MDGA2: variants seen among roughly 807,000 people sequenced by gnomAD.
MDGA2 encodes the protein MAM domain-containing glycosylphosphatidylinositol anchor protein 2.
A neutral mutation model predicts 117.8 loss-of-function variants in MDGA2; 40 were observed. That is an observed-to-expected ratio of 0.34 (90% CI 0.26 to 0.44). The LOEUF (loss-of-function observed/expected upper bound fraction) is 0.44, where lower values mean the gene tolerates loss of function less well. MDGA2 is among the 20% of genes least tolerant of loss of function. The pLI is 1.00. For synonymous variants in MDGA2, 452 were observed against 439.0 expected (o/e 1.03, Z -0.37); for missense variants, 1,123 against 1,250.6 (o/e 0.90, Z 1.54).
chr14:47,636,510 G>A (rs1173435592), intron 1 of MDGA2, among the ~76,000 whole-genome samples: 1 of 152,128 alleles, frequency 6.6e-6, no homozygotes, highest in South Asian at 2.1e-4. Flanking sequence ...TGGGCCGGGT[G>A]CAGTAGCTCA....
At chr14:47,320,627 C>T (rs575282430) in intron 1 of MDGA2, among the ~76,000 whole-genome samples, 13 of 151,948 alleles carry the variant, frequency 8.6e-5, no homozygotes, top group African/African-American at 3.1e-4. Flanking sequence ...TCCTTTCTTC[C>T]TTTGAATAGT....
At chr14:47,445,166 T>A (rs1893095598) in intron 1 of MDGA2, among the ~76,000 whole-genome samples, 1 of 152,104 alleles carries the variant, frequency 6.6e-6, no homozygotes, top group Non-Finnish European at 1.5e-5. Context: ...GCCTCAAGTC[T>A]CCTGGTATGC....
At chr14:47,578,731 G>A (rs994182246) in intron 1 of MDGA2, among the ~76,000 whole-genome samples, 4 of 152,150 alleles carry the variant, frequency 2.6e-5, no homozygotes, top group Admixed American at 6.6e-5. Context: ...TTTAAATGTT[G>A]TTTTTAGTCA....
intron 1 of MDGA2, among the ~76,000 whole-genome samples, chr14:47,566,667 T>C (rs1393359941): frequency 6.6e-6 from 1 of 152,052 alleles, no homozygotes; most frequent in Non-Finnish European, 1.5e-5. Flanking sequence ...GGTTGCACCA[T>C]GCCTGCTTAA....
At chr14:47,328,867 T>C (rs931074413) in intron 1 of MDGA2, among the ~76,000 whole-genome samples, 1 of 152,088 alleles carries the variant, frequency 6.6e-6, no homozygotes, top group African/African-American at 2.4e-5. Flanking sequence ...AGAATATAAG[T>C]GTTTTGGAAG....
chr14:47,459,002 G>T (rs1893424166), intron 1 of MDGA2, among the ~76,000 whole-genome samples: 1 of 150,888 alleles, frequency 6.6e-6, no homozygotes, highest in Non-Finnish European at 1.5e-5. Flanking sequence ...ACTAGGGAGA[G>T]AAGTATTTAT....
intron 1 of MDGA2, among the ~76,000 whole-genome samples, chr14:47,363,856 T>C (rs1251791060): frequency 1.3e-5 from 2 of 152,108 alleles, no homozygotes; most frequent in Admixed American, 1.3e-4. Flanking sequence ...TATTTCTAGA[T>C]AGCATCTAAT....
intron 1 of MDGA2, among the ~76,000 whole-genome samples, chr14:47,661,907 T>C (rs1897856924): frequency 6.6e-6 from 1 of 152,060 alleles, no homozygotes; most frequent in Non-Finnish European, 1.5e-5. Context: ...GGCTAATTTT[T>C]TGTATTTTTA....
rs1411958113 is a variant in MDGA2, at chr14:46,909,885, G to C, written c.2238+10127C>G. Among the ~76,000 whole-genome samples the C allele has an allele frequency of 2.0e-5, 3 of 152,020 alleles. No individual in the cohort carries two copies. The East Asian group carries it at 5.8e-4, about 29-fold the overall frequency. ...AAGGAAAAGTTTTAGCTTAAGATCTGTAGAACACAAAACAAAAGAACCTCA... is the reference window on the plus strand; with the variant it reads ...AAGGAAAAGTTTTAGCTTAAGATCTCTAGAACACAAAACAAAAGAACCTCA... On this transcript the variant is annotated intron_variant, in intron 10 of 16. Transcript: ENST00000399232.
At chr14:47,583,649 C>G (rs1896269807) in intron 1 of MDGA2, among the ~76,000 whole-genome samples, 1 of 151,664 alleles carries the variant, frequency 6.6e-6, no homozygotes, top group South Asian at 2.1e-4. Context: ...TAATAACTAC[C>G]TGTTCTTTAT....
At chr14:47,165,825 C>T (rs761330822) in intron 3 of MDGA2, among the ~76,000 whole-genome samples, 11 of 152,060 alleles carry the variant, frequency 7.2e-5, no homozygotes, top group Admixed American at 2.0e-4. Context: ...ATATTTTTGG[C>T]TCTTGTAATA....
chr14:47,572,220 G>A (rs1470364498), intron 1 of MDGA2, among the ~76,000 whole-genome samples: 1 of 152,100 alleles, frequency 6.6e-6, no homozygotes, highest in Non-Finnish European at 1.5e-5. Flanking sequence ...AAAATACAAG[G>A]TATGTGCGTG....
chr14:46,974,944 A>G (rs771960060), intron 8 of MDGA2, among the ~76,000 whole-genome samples: 2 of 152,078 alleles, frequency 1.3e-5, no homozygotes, highest in African/African-American at 2.4e-5. Context: ...AATATTTGCA[A>G]CTCAGATTTA....
intron 1 of MDGA2, among the ~76,000 whole-genome samples, chr14:47,619,003 G>A (rs759633557): frequency 9.9e-5 from 15 of 151,580 alleles, no homozygotes; most frequent in Non-Finnish European, 1.8e-4. Context: ...TTTTGTTATA[G>A]GTTGAAAGGA....
At chr14:47,339,153 A>G (rs935723119) in intron 1 of MDGA2, among the ~76,000 whole-genome samples, 1 of 152,156 alleles carries the variant, frequency 6.6e-6, no homozygotes, top group Non-Finnish European at 1.5e-5. Context: ...TCTTCAAAGT[A>G]CAAGGGTGTG....
intron 7 of MDGA2, among the ~76,000 whole-genome samples, chr14:47,054,319 G>A (rs1464400680): frequency 6.6e-6 from 1 of 150,602 alleles, no homozygotes; most frequent in Non-Finnish European, 1.5e-5. Context: ...GAGTCTCAAA[G>A]CTCTTATTAT....
intron 2 of MDGA2, among the ~76,000 whole-genome samples, chr14:47,248,903 T>G (rs537867911): frequency 1.3e-5 from 2 of 152,208 alleles, no homozygotes; most frequent in South Asian, 4.1e-4. Flanking sequence ...AAACCAAAAG[T>G]AAATTTATGT....
chr14:47,038,988 G>T (rs1023995231), intron 7 of MDGA2, among the ~76,000 whole-genome samples: 9 of 151,424 alleles, frequency 5.9e-5, no homozygotes, highest in Admixed American at 5.3e-4. Flanking sequence ...TAGAAGTCAG[G>T]GTTAACCTTT....
chr14:47,613,479 T>TCTCACA (rs1023859588), intron 1 of MDGA2, among the ~76,000 whole-genome samples: 87 of 141,166 alleles, frequency 6.2e-4, no homozygotes, highest in African/African-American at 1.9e-3. Context: ...TCTCTCTCTC[T>TCTCACA]CACACACACA....
Sources: gnomAD v4.1 joint callset for allele counts (sites outside exome capture counted in the v4.1 genomes callset) on GRCh38, gnomAD v4.1.1 for gene constraint, MANE v1.5 for transcripts, NCBI Gene and HGNC (gene_info 2026-07-23, HGNC 2026-07-21) for gene names.